The following RBFOX1 variants were observed in gnomAD, a reference collection of about 807,000 sequenced individuals.
RBFOX1 encodes the protein RNA binding protein fox-1 homolog 1.
A neutral mutation model predicts 57.7 loss-of-function variants in RBFOX1; 8 were observed. The observed-to-expected ratio is 0.14, with a 90% CI of 0.08 to 0.25. The LOEUF (loss-of-function observed/expected upper bound fraction) is 0.25, where lower values mean the gene tolerates loss of function less well. Among genes scored for constraint, RBFOX1 ranks in the 10% least tolerant of loss-of-function variants. The probability of loss-of-function intolerance (pLI) is 1.00; values close to 1 mark genes in which losing one functional copy is unlikely to be tolerated. For synonymous variants in RBFOX1, 326 were observed against 222.4 expected (o/e 1.47, Z -4.15); for missense variants, 611 against 548.5 (o/e 1.11, Z -1.14).
chr16:6,630,021 T>A (rs1395734229), intron 2 of RBFOX1, among the ~76,000 whole-genome samples: 1 of 151,238 alleles, frequency 6.6e-6, no homozygotes. Context: ...ATGGAAAGAT[T>A]AAACCCCTTA....
intron 5 of RBFOX1, among the ~76,000 whole-genome samples, chr16:7,544,782 CTTG>C: frequency 6.6e-6 from 1 of 152,186 alleles, no homozygotes; most frequent in South Asian, 2.1e-4. Context: ...GATATTTTTT[CTTG>C]TTTGTTGTTG....
intron 4 of RBFOX1, among the ~76,000 whole-genome samples, chr16:7,492,064 G>T (rs1413208538): frequency 1.3e-5 from 2 of 152,054 alleles, no homozygotes; most frequent in African/African-American, 2.4e-5. Context: ...GTATGTTGTG[G>T]AACGAGCTCA....
chr16:6,422,918 T>C (rs1350118195), intron 2 of RBFOX1, among the ~76,000 whole-genome samples: 2 of 152,190 alleles, frequency 1.3e-5, no homozygotes, highest in Non-Finnish European at 2.9e-5. Context: ...CAGTATTCAG[T>C]TTTCTGTTCC....
At position 5,574,104 on chromosome 16, in the gene RBFOX1, A is replaced by G. The variant is rs2046376172; in HGVS notation, c.259-24798A>G. Among the ~76,000 whole-genome samples the G allele has an allele frequency of 3.3e-5, 5 of 152,254 alleles. No homozygotes were observed. In the South Asian group the frequency reaches 1.0e-3, roughly 31 times the overall value. ...GTTGCTTTTGGTGGAAGGTGGAGTA[A>G]CTTGTACAATAGGCAGATGTATAAT... On this transcript the variant is annotated intron_variant, in intron 2 of 2. Coordinates refer to the RBFOX1 transcript ENST00000585867.
chr16:5,674,954 C>G (rs187964569), intron 3 of RBFOX1, among the ~76,000 whole-genome samples: 2 of 152,172 alleles, frequency 1.3e-5, no homozygotes, highest in South Asian at 4.2e-4. Flanking sequence ...TGAAACCAGC[C>G]TGGACAACAC....
chr16:6,231,449 A>T (rs1005887152), intron 1 of RBFOX1, among the ~76,000 whole-genome samples: 2 of 152,184 alleles, frequency 1.3e-5, no homozygotes, highest in Admixed American at 1.3e-4. Flanking sequence ...ATATAAAGAT[A>T]AGGATAGGGA....
At chr16:6,948,225 C>A (rs992383862) in intron 3 of RBFOX1, among the ~76,000 whole-genome samples, 1 of 152,012 alleles carries the variant, frequency 6.6e-6, no homozygotes, top group South Asian at 2.1e-4. Flanking sequence ...TGAGCTGAGG[C>A]ATTCAAGACC....
At chr16:5,332,127 C>G (rs1467947847) in intron 1 of RBFOX1, among the ~76,000 whole-genome samples, 1 of 152,178 alleles carries the variant, frequency 6.6e-6, no homozygotes, top group African/African-American at 2.4e-5. Flanking sequence ...GGCAAATCTT[C>G]TCTACCTTTC....
At chr16:5,369,740 C>T (rs545775622) in intron 1 of RBFOX1, among the ~76,000 whole-genome samples, 1 of 152,328 alleles carries the variant, frequency 6.6e-6, no homozygotes, top group South Asian at 2.1e-4. Context: ...TGAAGCCACC[C>T]TTTCCCTTCC....
chr16:7,491,856 T>A (rs2067080617), intron 4 of RBFOX1, among the ~76,000 whole-genome samples: 1 of 152,178 alleles, frequency 6.6e-6, no homozygotes, highest in Non-Finnish European at 1.5e-5. Flanking sequence ...AAGGAAGAAT[T>A]TGATTTTTAG....
intron 2 of RBFOX1, among the ~76,000 whole-genome samples, chr16:6,329,822 C>T (rs2082792850): frequency 6.6e-6 from 1 of 152,092 alleles, no homozygotes; most frequent in Non-Finnish European, 1.5e-5. Context: ...CCTGTAATTC[C>T]AGCTACTTGG....
chr16:7,390,478 C>G (rs758171735), intron 4 of RBFOX1, among the ~76,000 whole-genome samples: 1 of 152,178 alleles, frequency 6.6e-6, no homozygotes, highest in South Asian at 2.1e-4. Context: ...CTCTCAAAGC[C>G]TTGCCATATC....
chr16:7,691,116 T>C (rs963082254), intron 14 of RBFOX1, among the ~76,000 whole-genome samples: 2 of 152,034 alleles, frequency 1.3e-5, no homozygotes, highest in Non-Finnish European at 2.9e-5. Flanking sequence ...TTATGTGGAT[T>C]AAAAAATAAA....
chr16:5,273,390 C>G (rs905623386), intron 1 of RBFOX1, among the ~76,000 whole-genome samples: 5 of 152,042 alleles, frequency 3.3e-5, no homozygotes, highest in African/African-American at 1.2e-4. Context: ...TAATGATGAA[C>G]AAGATAAACA....
chr16:6,705,986 C>G (rs2062669167), intron 3 of RBFOX1, among the ~76,000 whole-genome samples: 1 of 152,060 alleles, frequency 6.6e-6, no homozygotes, highest in Admixed American at 6.6e-5. Context: ...CCACTGAACT[C>G]CAGCCTGGGT....
intron 3 of RBFOX1, among the ~76,000 whole-genome samples, chr16:6,905,927 C>T (rs1040016541): frequency 5.3e-5 from 8 of 152,242 alleles, no homozygotes; most frequent in Non-Finnish European, 7.4e-5. Flanking sequence ...CATTGACTTC[C>T]TTCTGCCCTT....
chr16:6,966,517 G>A (rs546624884), intron 3 of RBFOX1, among the ~76,000 whole-genome samples: 4 of 152,036 alleles, frequency 2.6e-5, no homozygotes, highest in Admixed American at 1.3e-4. Flanking sequence ...AGGGGCGGAC[G>A]GGGGAAGACT....
intron 4 of RBFOX1, among the ~76,000 whole-genome samples, chr16:7,420,919 A>ATG (rs2098535609): frequency 6.8e-6 from 1 of 146,372 alleles, no homozygotes; most frequent in African/African-American, 2.5e-5. Context: ...ATACATATAT[A>ATG]TATATACACA....
intron 3 of RBFOX1, among the ~76,000 whole-genome samples, chr16:6,880,111 C>T (rs1052704953): frequency 2.0e-5 from 3 of 152,244 alleles, no homozygotes; most frequent in South Asian, 2.1e-4. Flanking sequence ...CCTGACCTTT[C>T]GAGTTACTTC....
Sources: gnomAD v4.1 joint callset for allele counts (sites outside exome capture counted in the v4.1 genomes callset) on GRCh38, gnomAD v4.1.1 for gene constraint, MANE v1.5 for transcripts, NCBI Gene and HGNC (gene_info 2026-07-23, HGNC 2026-07-21) for gene names.